Variants in RNF183 observed in about 807,000 individuals in gnomAD.
RNF183 encodes the protein E3 ubiquitin-protein ligase RNF183.
RNF183 carries 4 observed loss-of-function variants against 9.0 expected under a neutral mutation model. That is an observed-to-expected ratio of 0.44 (90% confidence interval 0.22 to 1.01). RNF183 has a LOEUF of 1.01. Among genes scored for constraint, RNF183 ranks in the 50% least tolerant of loss-of-function variants. RNF183 has a pLI of 0.25. For synonymous variants in RNF183, 102 were observed against 107.5 expected (o/e 0.95, Z 0.32); for missense variants, 227 against 253.6 (o/e 0.89, Z 0.71).
Position 113,298,028 on chromosome 9 carries a change from G to A in RNF183, c.157C>T (p.Arg53Cys), listed in dbSNP as rs779635734. Residue 53 changes from arginine (R) to cysteine (C), a missense_variant, in exon 5 of 5, where the codon CGC becomes TGC. Physicochemically the swap from Arg to Cys is radical, Grantham distance 180 (BLOSUM62 -3). Transcript: ENST00000489339. This position sits in a 1 kb window ranked among gnomAD's most constrained non-coding sequence, Gnocchi z 4.9. The stretch of plus-strand genomic sequence containing the variant: ...TGGCGACAGAGTGGGCACAGCAGGC[G>A]GCGCCGGGCTGGAGTCACAAGGCTG... ...HLSLVTPARR[R>C]LLCPLCRQPT... is the part of the protein sequence containing the mutation. The A allele has an allele frequency of 9.9e-6, 16 of 1,614,014 alleles. No individual in the cohort carries two copies. The highest frequency in any genetic ancestry group is 5.5e-5 in the South Asian group (5 of 91,080).
At position 113,299,775 on chromosome 9, in the gene RNF183, G is replaced by C. The variant is rs1832858030; in HGVS notation, c.-241C>G. The C allele has an allele frequency of 1.3e-5, 2 of 152,164 alleles. No individual in the cohort carries two copies. The highest frequency in any genetic ancestry group is 4.8e-5 in the African/African-American group (2 of 41,432). 9.4% of individuals were successfully genotyped at this position (152,164 alleles called of 1,614,324 possible). ...TTCGAATAATTTGAAGAGTTGATCT[G>C]CTGGGGAAAAGAAAAAGTTTAAAAA... On this transcript the variant is annotated splice_region_variant and 5_prime_UTR_variant, in exon 4 of 5. Transcript: ENST00000489339.
intron 4 of RNF183, 171 bp downstream of exon 4, chr9:113,299,400 TC>T (rs1166866740): frequency 6.6e-6 from 1 of 152,286 alleles, no homozygotes; most frequent in African/African-American, 2.4e-5. Flanking sequence ...CCCTCATTTC[TC>T]TTCGAAAGTG....
chr9:113,298,473 A>C lies in RNF183; in HGVS notation c.-37-252T>G. The C allele has an allele frequency of 4.3e-6, 2 of 464,526 alleles. No homozygotes were observed. Among genetic ancestry groups the C allele is most frequent in the Non-Finnish European group, 7.7e-6 (2 of 260,150 alleles). The allele number at this position is 464,526 out of a possible 1,614,324, so 28.8% of individuals were successfully genotyped here. A position where few individuals can be genotyped will look rare whatever the true frequency, so the allele number is the denominator to read the frequency against. ...CCCCCAAGAGAGCCGGCATTGGAGC[A>C]GATGTCGCCCTGGGCTTTGGAGCTG... On this transcript the variant is annotated intron_variant, in intron 4 of 4. Coordinates refer to ENST00000489339, the MANE Select transcript of RNF183 (RefSeq NM_001371237.1). The surrounding 1 kb of genome is among the most constrained non-coding windows in gnomAD (Gnocchi z 4.9).
At position 113,298,014 on chromosome 9, in the gene RNF183, T is replaced by C; in HGVS notation, c.171A>G (p.Pro57=). ...CCAGCACTGTGGGCTGGCGACAGAG[T>C]GGGCACAGCAGGCGGCGCCGGGCTG... ...VTPARRRLLC[P]LCRQPTVLAS... is the part of the protein sequence containing the mutation. Residue 57 remains proline (P), a synonymous_variant, in exon 5 of 5, where the codon CCA becomes CCG. Coordinates refer to ENST00000489339, the MANE Select transcript of RNF183 (RefSeq NM_001371237.1). The surrounding 1 kb of genome is among the most constrained non-coding windows in gnomAD (Gnocchi z 4.9). 6.2e-7 allele frequency: 1 copy of C among 1,613,268 alleles called. No homozygotes were observed. Among genetic ancestry groups the C allele is most frequent in the Non-Finnish European group, 8.5e-7 (1 of 1,179,786 alleles).
chr9:113,297,906 C>T lies in RNF183; in HGVS notation c.279G>A (p.Leu93=). Reference sequence around the variant, plus strand: ...CCTTGAGGCACAGCTGATGGCCTTCCAGGATGACATGGTGGGGCTCCAGGC... The same window carrying T: ...CCTTGAGGCACAGCTGATGGCCTTCTAGGATGACATGGTGGGGCTCCAGGC... The part of the protein sequence containing the change: ...LLRLEPHHVI[L]EGHQLCLKDQ... Residue 93 remains leucine, a synonymous_variant, in exon 5 of 5, where the codon CTG becomes CTA. Transcript: ENST00000489339. 1 of 1,613,822 alleles carries T rather than the reference C, an allele frequency of 6.2e-7. No individual in the cohort carries two copies. The highest frequency in any genetic ancestry group is 8.5e-7 in the Non-Finnish European group (1 of 1,179,914).
In RNF183 at chr9:113,298,171, T is replaced by C. The variant is rs958458016; in HGVS notation, c.14A>G (p.Gln5Arg). ...GCACTCAGCCTCAAGCTCCCGGCCC[T>C]GCTGCTCAGCCATCCTCAGCCACAC... MAEQ[Q>R]GRELEAECPV... is the part of the protein sequence containing the mutation. The change falls in exon 5 of 5, where the codon CAG becomes CGG. Residue 5 changes from glutamine (Q) to arginine (R), a missense_variant. Transcript: ENST00000489339. The surrounding 1 kb of genome is among the most constrained non-coding windows in gnomAD (Gnocchi z 4.9). 2 of 1,611,438 alleles carry C rather than the reference T, an allele frequency of 1.2e-6. No homozygotes were observed. Among genetic ancestry groups the C allele is most frequent in the African/African-American group, 1.3e-5 (1 of 74,894 alleles).
intron 3 of RNF183, 86 bp from the exon 4 acceptor site, chr9:113,299,861 G>A (rs1162487009): frequency 6.6e-6 from 1 of 152,198 alleles, no homozygotes; most frequent in Admixed American, 6.5e-5. Flanking sequence ...CTCACCCAAA[G>A]TCACCCAGCT....
chr9:113,297,188 ATT>A lies in RNF183; in HGVS notation c.*416_*417del, dbSNP rs34262687. 19 of 145,844 alleles carry A rather than the reference ATT, an allele frequency of 1.3e-4. No homozygotes were observed. The highest frequency in any genetic ancestry group is 1.8e-4 in the Non-Finnish European group (12 of 66,282). The allele number at this position is 145,844 out of a possible 1,614,324, so 9.0% of individuals were successfully genotyped here. On this transcript the variant is annotated 3_prime_UTR_variant, in exon 5 of 5. Transcript: ENST00000489339. ...CCACAGAATTGAAGCTCACTTCCCA[ATT>A]TTTTTTTTTTTTTTAGCAACCCATA...
At position 113,297,317 on chromosome 9, in the gene RNF183, C is replaced by A; in HGVS notation, c.*289G>T. The A allele has an allele frequency of 4.2e-6, 1 of 236,212 alleles. No homozygotes were observed. Among genetic ancestry groups the A allele is most frequent in the Non-Finnish European group, 8.2e-6 (1 of 122,594 alleles). 14.6% of individuals were successfully genotyped at this position (236,212 alleles called of 1,614,324 possible). ...AGTCAGGTTCCTGGATACCACTGTG[C>A]AGCCCTTTGGCACAACTTGCTGTGG... On this transcript the variant is annotated 3_prime_UTR_variant, in exon 5 of 5. Transcript: ENST00000489339.
intron 3 of RNF183, among the ~76,000 whole-genome samples, chr9:113,300,687 G>T (rs1202445225): frequency 6.6e-6 from 1 of 152,112 alleles, no homozygotes; most frequent in East Asian, 1.9e-4. Context: ...AGTGAAAGGA[G>T]CCCAGGGTGA....
rs1832812568 is a variant in RNF183, at chr9:113,298,496, C to G, written c.-37-275G>C. On this transcript the variant is annotated intron_variant, in intron 4 of 4. Transcript: ENST00000489339. This position sits in a 1 kb window ranked among gnomAD's most constrained non-coding sequence, Gnocchi z 4.9. ...GCAGATGTCGCCCTGGGCTTTGGAG[C>G]TGGACGCAAATGCTCCTTATGGTCA... 7.4e-6 allele frequency: 3 copies of G among 403,000 alleles called. No homozygotes were observed. In the East Asian group the frequency reaches 1.4e-4, roughly 19 times the overall value. The allele number at this position is 403,000 out of a possible 1,614,324, so 25.0% of individuals were successfully genotyped here.
Position 113,298,470 on chromosome 9 carries a change from AG to A in RNF183, c.-37-250del, listed in dbSNP as rs1832811433. On this transcript the variant is annotated intron_variant, in intron 4 of 4. Coordinates refer to ENST00000489339, the MANE Select transcript of RNF183 (RefSeq NM_001371237.1). The surrounding 1 kb of genome is among the most constrained non-coding windows in gnomAD (Gnocchi z 4.9). ...GAGCCCCCAAGAGAGCCGGCATTGG[AG>A]CAGATGTCGCCCTGGGCTTTGGAGC... 1 of 469,684 alleles carries A rather than the reference AG, an allele frequency of 2.1e-6. No homozygotes were observed. The allele number at this position is 469,684 out of a possible 1,614,324, so 29.1% of individuals were successfully genotyped here.
rs1832827332 is a variant in RNF183 at position 113,298,872 on chromosome 9, C to A, written c.-37-651G>T. On this transcript the variant is annotated intron_variant, in intron 4 of 4. Transcript: ENST00000489339. The surrounding 1 kb of genome is among the most constrained non-coding windows in gnomAD (Gnocchi z 4.9). ...AGAGCCTCTTCCCCTTCCAGAGCCT[C>A]TTCCCCTTCCAGAGCCTCTTCCCCA... The A allele has an allele frequency of 6.5e-6, 1 of 154,264 alleles. No individual in the cohort carries two copies. The highest frequency in any genetic ancestry group is 6.5e-5 in the Admixed American group (1 of 15,290). The allele number at this position is 154,264 out of a possible 1,614,324, so 9.6% of individuals were successfully genotyped here.
chr9:113,301,330 C>A (rs1832912393), intron 3 of RNF183, among the ~76,000 whole-genome samples: 1 of 152,170 alleles, frequency 6.6e-6, no homozygotes, highest in African/African-American at 2.4e-5. Context: ...TACGGTCTAG[C>A]CTGTTGCTCC....
Position 113,297,670 on chromosome 9 carries a change from C to G in RNF183, c.515G>C (p.Ser172Thr). Reference protein sequence around the residue: ...IFAYLMAVILSVTLLLIFSIF... With the variant: ...IFAYLMAVILTVTLLLIFSIF... Reference sequence around the variant, plus strand: ...GGAGAATATGAGCAACAGAGTGACACTGAGGATGACGGCCATCAGGTAGGC... The same window carrying G: ...GGAGAATATGAGCAACAGAGTGACAGTGAGGATGACGGCCATCAGGTAGGC... The change falls in exon 5 of 5, where the codon AGT (serine) becomes ACT (threonine). Residue 172 changes from serine (S) to threonine (T), a missense_variant. Transcript: ENST00000489339. The G allele has an allele frequency of 6.2e-7, 1 of 1,613,718 alleles. No individual in the cohort carries two copies.
At chr9:113,299,201 G>A (rs1257901301) in intron 4 of RNF183, 1 of 152,334 alleles carries the variant, frequency 6.6e-6, no homozygotes. Context: ...GTGGGGTGGG[G>A]AGGAAGATGG....
chr9:113,298,042 G>A lies in RNF183; in HGVS notation c.143C>T (p.Thr48Ile). Residue 48 changes from threonine (T) to isoleucine (I), a missense_variant, in exon 5 of 5, where the codon ACT becomes ATT. Transcript: ENST00000489339. The surrounding 1 kb of genome is among the most constrained non-coding windows in gnomAD (Gnocchi z 4.9). ...VECLAHLSLVTPARRRLLCPL... is the reference protein window; with the variant it reads ...VECLAHLSLVIPARRRLLCPL... ...GCACAGCAGGCGGCGCCGGGCTGGA[G>A]TCACAAGGCTGAGGTGGGCCAGACA... 1 of 1,614,044 alleles carries A rather than the reference G, an allele frequency of 6.2e-7. No homozygotes were observed. The highest frequency in any genetic ancestry group is 8.5e-7 in the Non-Finnish European group (1 of 1,180,024).
chr9:113,302,399 CATCTCCTTGGTCTATGAACAAGT>C (rs2118715663), intron 1 of RNF183, 86 bp from the exon 2 acceptor site: 1 of 152,240 alleles, frequency 6.6e-6, no homozygotes, highest in East Asian at 1.9e-4. Flanking sequence ...GCCCCAAAGT[CATCTCCTTGGTCTATGAACAAGT>C]CATCGCCAAA....
At chr9:113,299,949 C>A (rs551940429) in intron 3 of RNF183, among the ~76,000 whole-genome samples, 174 bp from the exon 4 acceptor site, 1 of 152,292 alleles carries the variant, frequency 6.6e-6, no homozygotes, top group African/African-American at 2.4e-5. Flanking sequence ...ATGCCGTCCC[C>A]CTACTCAGTG....
Sources: allele counts gnomAD v4.1 joint callset (sites outside exome capture counted in the v4.1 genomes callset), GRCh38; gene constraint gnomAD v4.1.1; non-coding constraint Gnocchi (gnomAD v3.1); transcripts MANE v1.5; gene names NCBI Gene and HGNC (gene_info 2026-07-23, HGNC 2026-07-21).